The following FOXP1 variants were observed in gnomAD, a reference collection of about 807,000 sequenced individuals.
The protein encoded by FOXP1 is forkhead box protein P1.
In FOXP1, 15 loss-of-function variants were observed where a neutral mutation model predicts 98.2. The ratio of observed to expected loss-of-function variants is 0.15; its 90% CI spans 0.10 to 0.24. FOXP1 has a LOEUF of 0.24. Ranked by LOEUF, FOXP1 falls within the 10% of genes least tolerant of loss-of-function variation. FOXP1 has a pLI of 1.00. For missense variants in FOXP1, 633 were observed against 848.5 expected (o/e 0.75, Z 3.15); for synonymous variants, 371 against 314.5 (o/e 1.18, Z -1.90).
intron 3 of FOXP1, among the ~76,000 whole-genome samples, chr3:71,415,705 T>TA (rs2083160812): frequency 6.6e-6 from 1 of 151,366 alleles, no homozygotes; most frequent in African/African-American, 2.4e-5. Context: ...AGTTGCTCTT[T>TA]TTTTTTTTTT....
chr3:71,572,817 T>C (rs1286061858), intron 2 of FOXP1: 1 of 152,226 alleles, frequency 6.6e-6, no homozygotes, highest in African/African-American at 2.4e-5. Context: ...TTACTCTTTG[T>C]TCCTTTTTTG....
chr3:71,506,279 T>C (rs1403280890), intron 2 of FOXP1, among the ~76,000 whole-genome samples: 2 of 152,184 alleles, frequency 1.3e-5, no homozygotes, highest in Non-Finnish European at 2.9e-5. Context: ...GGCCTCTGTT[T>C]CATCAGCTGC....
intron 2 of FOXP1, chr3:71,568,005 G>GAGGAAGGA (rs1217814393): frequency 2.3e-5 from 3 of 130,602 alleles, no homozygotes; most frequent in Non-Finnish European, 3.2e-5. Context: ...GGGAGGAAGG[G>GAGGAAGGA]AGGAAGGAAG....
intron 2 of FOXP1, among the ~76,000 whole-genome samples, chr3:71,551,702 C>T (rs2045791802): frequency 6.6e-6 from 1 of 152,150 alleles, no homozygotes. Flanking sequence ...AAAATAGAGA[C>T]AGGATCATTG....
chr3:71,223,968 G>A (rs1404276733), intron 5 of FOXP1, among the ~76,000 whole-genome samples: 2 of 152,154 alleles, frequency 1.3e-5, no homozygotes, highest in East Asian at 1.9e-4. Flanking sequence ...ACGCTCCCTA[G>A]TATGGCAGCT....
intron 7 of FOXP1, among the ~76,000 whole-genome samples, chr3:71,091,766 A>AT: frequency 6.6e-6 from 1 of 152,354 alleles, no homozygotes; most frequent in East Asian, 1.9e-4. Context: ...CAATTATAGA[A>AT]TTATTAATAA....
At position 70,988,012 on chromosome 3, in the gene FOXP1, G is replaced by A. The variant is rs374698164; in HGVS notation, c.1128C>T (p.Pro376=). 3 of 1,614,090 alleles carry A rather than the reference G, an allele frequency of 1.9e-6. No individual in the cohort carries two copies. Among genetic ancestry groups the A allele is most frequent in the Non-Finnish European group, 2.5e-6 (3 of 1,179,964 alleles). ...MTHLHVKSTE[P]KAAPQPLNLV... is the part of the protein sequence containing the mutation. ...TACTTACGGGCTGAGGGGCGGCTTT[G>A]GGTTCTGTAGACTTCACATGCAGGT... Residue 376 remains proline (P), a synonymous_variant, in exon 14 of 21, where the codon CCC becomes CCT. Transcript: ENST00000649528.
At chr3:71,505,571 G>A (rs760632113) in intron 2 of FOXP1, among the ~76,000 whole-genome samples, 5 of 152,004 alleles carry the variant, frequency 3.3e-5, no homozygotes, top group Non-Finnish European at 7.4e-5. Context: ...GATTACAGGC[G>A]CTTGCCGCCA....
chr3:70,960,362 G>A (rs1006897628), intron 20 of FOXP1, among the ~76,000 whole-genome samples: 10 of 152,170 alleles, frequency 6.6e-5, no homozygotes, highest in Non-Finnish European at 1.3e-4. Context: ...CCACTGGGAT[G>A]AGCGTGGTTG....
chr3:71,273,690 C>T (rs776925132), intron 5 of FOXP1, among the ~76,000 whole-genome samples: 2 of 151,838 alleles, frequency 1.3e-5, no homozygotes, highest in Non-Finnish European at 2.9e-5. Context: ...AACTGTGCAG[C>T]CCAGACAATG....
rs2031732931 is a variant in FOXP1, at chr3:70,956,180, C to A, written c.*3067G>T. The A allele has an allele frequency of 8.6e-6, 2 of 232,742 alleles. No individual in the cohort carries two copies. Among genetic ancestry groups the A allele is most frequent in the South Asian group, 3.6e-4 (2 of 5,520 alleles). The allele number at this position is 232,742 out of a possible 1,614,324, so 14.4% of individuals were successfully genotyped here. On this transcript the variant is annotated 3_prime_UTR_variant, in exon 21 of 21. Transcript: ENST00000649528. ...TTAGGAACAATATCTAAAAAAAGAA[C>A]CGCCCTCTGCCCTCCCCCAAAAAAG...
intron 3 of FOXP1, among the ~76,000 whole-genome samples, chr3:71,381,236 C>T (rs1180158695): frequency 6.6e-6 from 1 of 150,516 alleles, no homozygotes; most frequent in Admixed American, 6.6e-5. Context: ...CTGCAAGCTC[C>T]GCCTCCCGGG....
intron 7 of FOXP1, among the ~76,000 whole-genome samples, chr3:71,070,563 T>G (rs1268555201): frequency 2.0e-5 from 3 of 152,264 alleles, no homozygotes; most frequent in African/African-American, 7.2e-5. Flanking sequence ...TTTGTTTCAG[T>G]AAGAAAACAG....
intron 2 of FOXP1, 23 bp downstream of exon 2, chr3:71,581,526 C>A: frequency 1.0e-6 from 1 of 985,466 alleles, no homozygotes; most frequent in Non-Finnish European, 1.2e-6. Flanking sequence ...CTGGACCCCG[C>A]GCCCGCGGCC....
chr3:71,172,289 CCT>C (rs1218895109), intron 6 of FOXP1, among the ~76,000 whole-genome samples: 3 of 152,158 alleles, frequency 2.0e-5, no homozygotes, highest in African/African-American at 7.2e-5. Flanking sequence ...TTTTTAATGC[CCT>C]GTTGGTTATG....
chr3:71,118,508 A>G (rs1559966462), intron 6 of FOXP1, among the ~76,000 whole-genome samples: 2 of 152,196 alleles, frequency 1.3e-5, no homozygotes, highest in Admixed American at 1.3e-4. Flanking sequence ...ACATAAAGCA[A>G]GCTGGTAGAA....
intron 5 of FOXP1, among the ~76,000 whole-genome samples, chr3:71,214,231 G>T (rs908855097): frequency 6.6e-6 from 1 of 152,210 alleles, no homozygotes; most frequent in African/African-American, 2.4e-5. Flanking sequence ...CTAGACCTTG[G>T]ATCTCCCCCA....
chr3:71,377,027 CTAAA>C, intron 3 of FOXP1, among the ~76,000 whole-genome samples: 1 of 151,818 alleles, frequency 6.6e-6, no homozygotes, highest in Non-Finnish European at 1.5e-5. Flanking sequence ...GAGAAAAAAA[CTAAA>C]TGGTGACTAG....
intron 5 of FOXP1, among the ~76,000 whole-genome samples, chr3:71,260,323 G>T (rs1043400259): frequency 6.6e-6 from 1 of 152,126 alleles, no homozygotes; most frequent in African/African-American, 2.4e-5. Context: ...GGCGCGGGGG[G>T]AGAAATGCAG....
Sources: gnomAD v4.1 joint callset for allele counts (sites outside exome capture counted in the v4.1 genomes callset) on GRCh38, gnomAD v4.1.1 for gene constraint, MANE v1.5 for transcripts, NCBI Gene and HGNC (gene_info 2026-07-23, HGNC 2026-07-21) for gene names.